The following FUT8 variants were observed in gnomAD, a reference collection of about 807,000 sequenced individuals.
FUT8 encodes fucosyltransferase 8, also known as alpha-(1,6)-fucosyltransferase.
Under a neutral mutation model 71.3 loss-of-function variants are expected in FUT8, and 29 were observed. The observed-to-expected ratio is 0.41, with a 90% CI of 0.30 to 0.55. FUT8 has a LOEUF of 0.55. FUT8 is among the 20% of genes least tolerant of loss of function. The pLI is 0.34. For missense variants in FUT8, 544 were observed against 702.1 expected (o/e 0.77, Z 2.55); for synonymous variants, 254 against 239.3 (o/e 1.06, Z -0.57).
intron 6 of FUT8, among the ~76,000 whole-genome samples, chr14:65,650,724 A>C (rs1032158962): frequency 1.1e-3 from 159 of 151,240 alleles, no homozygotes; most frequent in African/African-American, 2.7e-3. Context: ...AAAAAAAAAA[A>C]AAAAACAAAA....
rs188191652 is a variant in FUT8 at position 65,521,287 on chromosome 14, A to T, written c.-227-40050A>T. On this transcript the variant is annotated intron_variant, in intron 2 of 10. Coordinates refer to ENST00000673929, the MANE Select transcript of FUT8 (RefSeq NM_001371533.1). The stretch of plus-strand genomic sequence containing the variant: ...TACTATAAACATGATGTTAGCATTT[A>T]TAATTGATATTTTAAATTGTTACAT... 3.4e-3 allele frequency among the ~76,000 whole-genome samples: 513 copies of T among 152,318 alleles called. 3 individuals are homozygous for T. The highest frequency in any genetic ancestry group is 0.017 in the Middle Eastern group (5 of 294).
intron 2 of FUT8, among the ~76,000 whole-genome samples, chr14:65,521,731 C>G (rs1883092386): frequency 6.6e-6 from 1 of 152,140 alleles, no homozygotes. Context: ...TTTTTGCTTT[C>G]CTGGTACATT....
chr14:65,621,081 C>G (rs1331495232), intron 5 of FUT8, among the ~76,000 whole-genome samples: 2 of 152,098 alleles, frequency 1.3e-5, no homozygotes, highest in Non-Finnish European at 2.9e-5. Context: ...TTCCTACGAC[C>G]ACACATCTTT....
At chr14:65,657,115 C>T (rs566552697) in intron 6 of FUT8, among the ~76,000 whole-genome samples, 31 of 152,182 alleles carry the variant, frequency 2.0e-4, no homozygotes, top group African/African-American at 6.3e-4. Context: ...AAGTAATACC[C>T]GATAAGCACA....
chr14:65,693,278 G>C (rs1158151348), intron 7 of FUT8, among the ~76,000 whole-genome samples: 2 of 152,262 alleles, frequency 1.3e-5, no homozygotes, highest in Non-Finnish European at 2.9e-5. Flanking sequence ...GCCGAGGCTG[G>C]CGGATCACTC....
At chr14:65,496,816 G>A (rs2066567000) in intron 2 of FUT8, among the ~76,000 whole-genome samples, 2 of 152,152 alleles carry the variant, frequency 1.3e-5, no homozygotes, top group African/African-American at 4.8e-5. Context: ...TGGCTGTGGA[G>A]TGGTTTTGTG....
chr14:65,598,944 C>T (rs1888148197), intron 3 of FUT8, among the ~76,000 whole-genome samples: 1 of 152,072 alleles, frequency 6.6e-6, no homozygotes, highest in Admixed American at 6.5e-5. Context: ...GCATGCACCA[C>T]CACGCCTGGC....
intron 10 of FUT8, among the ~76,000 whole-genome samples, chr14:65,740,603 C>T (rs1242556817): frequency 1.3e-5 from 2 of 151,952 alleles, no homozygotes; most frequent in Non-Finnish European, 2.9e-5. Flanking sequence ...AGGTCTCAGG[C>T]AACTTACAAT....
chr14:65,697,969 C>T (rs1894080607), intron 7 of FUT8, among the ~76,000 whole-genome samples: 1 of 147,332 alleles, frequency 6.8e-6, no homozygotes, highest in East Asian at 2.0e-4. Context: ...CCAGCTTGGA[C>T]AACAAGAGCG....
At chr14:65,385,330 A>C in the FUT8 span, among the ~76,000 whole-genome samples, 13 of 148,068 alleles carry the variant, frequency 8.8e-5, no homozygotes, top group African/African-American at 2.5e-4. Context: ...CTTTTCTTTA[A>C]TTTTTGTATG....
intron 2 of FUT8, among the ~76,000 whole-genome samples, chr14:65,512,413 C>T (rs1420637833): frequency 6.6e-6 from 1 of 152,130 alleles, no homozygotes; most frequent in Non-Finnish European, 1.5e-5. Context: ...AGATCCCCTG[C>T]CTTGGCCTCC....
intron 7 of FUT8, among the ~76,000 whole-genome samples, chr14:65,674,572 C>G (rs544461980): frequency 1.2e-4 from 18 of 152,294 alleles, no homozygotes; most frequent in African/African-American, 4.3e-4. Context: ...AGCAAGATAA[C>G]TTCTGAGAAT....
intron 2 of FUT8, among the ~76,000 whole-genome samples, chr14:65,510,961 C>T (rs1882301047): frequency 1.3e-5 from 2 of 151,634 alleles, no homozygotes; most frequent in South Asian, 4.2e-4. Flanking sequence ...GTTTGTTTTC[C>T]TCTTGCTTTT....
chr14:65,615,972 C>A lies in FUT8; in HGVS notation c.204-6C>A, dbSNP rs749442804. The A allele has an allele frequency of 1.9e-6, 3 of 1,594,620 alleles. No individual in the cohort carries two copies. The highest frequency in any genetic ancestry group is 2.6e-6 in the Non-Finnish European group (3 of 1,166,544). Reference sequence around the variant, plus strand: ...AAATGTTTACATTATCTTCCCTAAACTACAGGATACCAGAAGGCCCTATTG... The same window carrying A: ...AAATGTTTACATTATCTTCCCTAAAATACAGGATACCAGAAGGCCCTATTG... On this transcript the variant is annotated splice_region_variant and splice_polypyrimidine_tract_variant and intron_variant, in intron 3 of 10. Transcript: ENST00000673929.
At chr14:65,730,009 C>T (rs949281718) in intron 9 of FUT8, among the ~76,000 whole-genome samples, 5 of 150,892 alleles carry the variant, frequency 3.3e-5, no homozygotes, top group Non-Finnish European at 7.4e-5. Flanking sequence ...TGTTTTTCTA[C>T]TCTGATTTAA....
At chr14:65,615,770 A>AT (rs1197730944) in intron 3 of FUT8, among the ~76,000 whole-genome samples, 2 of 152,236 alleles carry the variant, frequency 1.3e-5, no homozygotes, top group East Asian at 3.9e-4. Context: ...GTAGATTAAT[A>AT]TTTTCTATTT....
intron 2 of FUT8, among the ~76,000 whole-genome samples, chr14:65,540,238 A>G (rs1398422172): frequency 6.6e-6 from 1 of 152,198 alleles, no homozygotes; most frequent in Non-Finnish European, 1.5e-5. Context: ...CCTTTCCTCT[A>G]TAGTAATAGA....
intron 7 of FUT8, among the ~76,000 whole-genome samples, chr14:65,708,694 C>A (rs1469369159): frequency 6.6e-6 from 1 of 151,792 alleles, no homozygotes; most frequent in African/African-American, 2.4e-5. Context: ...TTGTAACGTG[C>A]AACTTTACTG....
chr14:65,478,152 A>G (rs573553971), intron 2 of FUT8, among the ~76,000 whole-genome samples: 22 of 152,214 alleles, frequency 1.4e-4, no homozygotes, highest in African/African-American at 4.8e-4. Flanking sequence ...TACCCCAGAT[A>G]GTATCTATCT....
Sources: allele counts gnomAD v4.1 joint callset (sites outside exome capture counted in the v4.1 genomes callset), GRCh38; gene constraint gnomAD v4.1.1; transcripts MANE v1.5; gene names NCBI Gene and HGNC (gene_info 2026-07-23, HGNC 2026-07-21).